Variants in KIZ observed in about 807,000 individuals in gnomAD.
KIZ encodes the protein centrosomal protein kizuna.
In KIZ, 68 loss-of-function variants were observed where a neutral mutation model predicts 79.6. That is an observed-to-expected ratio of 0.85 (90% confidence interval 0.70 to 1.05). KIZ has a LOEUF of 1.05. Among genes scored for constraint, KIZ ranks in the 50% least tolerant of loss-of-function variants. The pLI, the probability that KIZ is intolerant of heterozygous loss-of-function variation, is 0.00. For synonymous variants in KIZ, 280 were observed against 281.8 expected (o/e 0.99, Z 0.06); for missense variants, 797 against 800.4 (o/e 1.00, Z 0.05).
intron 11 of KIZ, among the ~76,000 whole-genome samples, chr20:21,242,403 C>G (rs960853344): frequency 1.3e-5 from 2 of 152,128 alleles, no homozygotes; most frequent in African/African-American, 4.8e-5. Flanking sequence ...CTCTCATTGC[C>G]TAGTGGAAAA....
chr20:21,129,918 A>G (rs1454309973), intron 1 of KIZ, among the ~76,000 whole-genome samples: 4 of 152,242 alleles, frequency 2.6e-5, no homozygotes, highest in African/African-American at 9.6e-5. Context: ...GTCTATCTAA[A>G]ACCATTAGCC....
intron 7 of KIZ, among the ~76,000 whole-genome samples, chr20:21,212,584 T>C (rs2036113461): frequency 6.6e-6 from 1 of 152,230 alleles, no homozygotes; most frequent in Non-Finnish European, 1.5e-5. Flanking sequence ...ACTTACAATT[T>C]TTTCAATTTG....
chr20:21,157,224 G>C (rs1453318269), intron 4 of KIZ, among the ~76,000 whole-genome samples: 3 of 152,140 alleles, frequency 2.0e-5, no homozygotes, highest in Non-Finnish European at 4.4e-5. Flanking sequence ...TCAAGTACAC[G>C]TTGCCTTTTT....
intron 6 of KIZ, chr20:21,166,615 G>T: frequency 9.2e-7 from 1 of 1,083,738 alleles, no homozygotes; most frequent in Non-Finnish European, 1.3e-6. Flanking sequence ...TGCGGAAAGA[G>T]CTTTTGTATT....
intron 2 of KIZ, among the ~76,000 whole-genome samples, chr20:21,132,503 A>G (rs1456934527): frequency 6.6e-6 from 1 of 151,986 alleles, no homozygotes; most frequent in East Asian, 1.9e-4. Context: ...CTGGTCTCGA[A>G]CTCCTGACCT....
intron 6 of KIZ, among the ~76,000 whole-genome samples, chr20:21,179,482 G>A (rs1403872102): frequency 2.0e-5 from 3 of 151,424 alleles, no homozygotes; most frequent in Admixed American, 6.6e-5. Context: ...TTCTTAAGTA[G>A]TCTAGCTAAC....
intron 4 of KIZ, chr20:21,148,971 T>G (rs1461288176): frequency 6.6e-6 from 1 of 152,210 alleles, no homozygotes; most frequent in Non-Finnish European, 1.5e-5. Context: ...ATACTGGTAG[T>G]AACAATGGGT....
intron 6 of KIZ, among the ~76,000 whole-genome samples, chr20:21,201,778 A>G (rs1336493571): frequency 6.6e-6 from 1 of 152,250 alleles, no homozygotes. Context: ...TAGACAAAAC[A>G]GAAAAATCTC....
At chr20:21,215,290 G>A (rs992286699) in intron 8 of KIZ, among the ~76,000 whole-genome samples, 78 of 152,326 alleles carry the variant, frequency 5.1e-4, no homozygotes, top group African/African-American at 1.8e-3. Context: ...ATGTACATGT[G>A]CAGGATGTGA....
intron 6 of KIZ, among the ~76,000 whole-genome samples, chr20:21,175,415 A>G (rs1221594134): frequency 6.6e-6 from 1 of 152,192 alleles, no homozygotes; most frequent in Non-Finnish European, 1.5e-5. Flanking sequence ...TATTAAAAGA[A>G]GTCTCCATTG....
At chr20:21,144,129 C>T (rs1214417963) in intron 3 of KIZ, 2 of 151,960 alleles carry the variant, frequency 1.3e-5, no homozygotes, top group African/African-American at 2.4e-5. Flanking sequence ...TTCCTTTTTC[C>T]TTCAGCAAAA....
At chr20:21,221,683 G>A (rs918143464) in intron 9 of KIZ, among the ~76,000 whole-genome samples, 1 of 152,168 alleles carries the variant, frequency 6.6e-6, no homozygotes, top group African/African-American at 2.4e-5. Context: ...TTTCCAGGAG[G>A]TCAGTATAGA....
chr20:21,142,107 A>T (rs1298264361), intron 3 of KIZ, among the ~76,000 whole-genome samples: 1 of 151,488 alleles, frequency 6.6e-6, no homozygotes, highest in African/African-American at 2.4e-5. Context: ...TCTCTCTCAC[A>T]CATACACACA....
intron 4 of KIZ, among the ~76,000 whole-genome samples, chr20:21,154,449 A>G (rs1329691055): frequency 6.6e-6 from 1 of 152,226 alleles, no homozygotes; most frequent in Non-Finnish European, 1.5e-5. Flanking sequence ...ATTTTCAGTC[A>G]TGTTCATGTG....
chr20:21,227,538 CA>C (rs2036697150), intron 9 of KIZ, among the ~76,000 whole-genome samples: 1 of 152,018 alleles, frequency 6.6e-6, no homozygotes. Context: ...AAAATAAAAA[CA>C]AAACAGGGCA....
chr20:21,170,888 GCC>G (rs2034176195), intron 6 of KIZ, among the ~76,000 whole-genome samples: 1 of 152,088 alleles, frequency 6.6e-6, no homozygotes. Flanking sequence ...GTCTTTCTGT[GCC>G]TGGCTTAAAT....
At chr20:21,165,240 A>G (rs754077362) in intron 6 of KIZ, among the ~76,000 whole-genome samples, 2 of 152,228 alleles carry the variant, frequency 1.3e-5, no homozygotes, top group African/African-American at 4.8e-5. Flanking sequence ...ATGATCCAGA[A>G]TGTAAAATCT....
chr20:21,131,849 C>T (rs113567928), intron 1 of KIZ: 10 of 332,572 alleles, frequency 3.0e-5, no homozygotes, highest in African/African-American at 1.3e-4. Context: ...TATTGGTGTT[C>T]GTTTTGTTTT....
In KIZ at chr20:21,129,916, A is replaced by G. The variant is rs138294793; in HGVS notation, c.90-2181A>G. Among the ~76,000 whole-genome samples, 242 of 152,266 alleles carry G rather than the reference A, an allele frequency of 1.6e-3. 1 individual carries two copies. Among genetic ancestry groups the G allele is most frequent in the African/African-American group, 5.8e-3 (239 of 41,544 alleles). On this transcript the variant is annotated intron_variant, in intron 1 of 12. Transcript: ENST00000619189. Reference sequence around the variant, plus strand: ...GGTATCTATTTAAATCTGTCTATCTAAAACCATTAGCCTTTTCTGATCTGT... The same window carrying G: ...GGTATCTATTTAAATCTGTCTATCTGAAACCATTAGCCTTTTCTGATCTGT...
Sources: gnomAD v4.1 joint callset for allele counts (sites outside exome capture counted in the v4.1 genomes callset) on GRCh38, gnomAD v4.1.1 for gene constraint, MANE v1.5 for transcripts, NCBI Gene and HGNC (gene_info 2026-07-23, HGNC 2026-07-21) for gene names.